The following GPCPD1 variants were observed in gnomAD, a reference collection of about 807,000 sequenced individuals.
GPCPD1 encodes the protein glycerophosphocholine phosphodiesterase 1.
Under a neutral mutation model 89.2 loss-of-function variants are expected in GPCPD1, and 29 were observed. That is an observed-to-expected ratio of 0.33 (90% CI 0.24 to 0.44). The LOEUF is 0.44. Ranked by LOEUF, GPCPD1 falls within the 20% of genes least tolerant of loss-of-function variation. The probability of loss-of-function intolerance (pLI) is 1.00; values close to 1 mark genes in which losing one functional copy is unlikely to be tolerated. For missense variants in GPCPD1, 594 were observed against 808.9 expected, an observed-to-expected ratio of 0.73 and a Z score of 3.22; for synonymous variants, 258 against 266.3, an observed-to-expected ratio of 0.97 and a Z score of 0.30.
chr20:5,603,238 A>G (rs1301931899), intron 2 of GPCPD1, among the ~76,000 whole-genome samples: 1 of 152,138 alleles, frequency 6.6e-6, no homozygotes, highest in Non-Finnish European at 1.5e-5. Context: ...GGTTGCAGTG[A>G]GCTGGGATCG....
Position 5,592,085 on chromosome 20 carries a change from T to C in GPCPD1, c.231+1242A>G, listed in dbSNP as rs1478209240. Among the ~76,000 whole-genome samples the C allele has an allele frequency of 4.6e-5, 7 of 152,362 alleles. No homozygotes were observed. The East Asian group carries it at 7.7e-4, about 17-fold the overall frequency. ...GGCTTAATTTGACCTGTGTTGACAA[T>C]AGTCTTACTTTAGAAAACTATGCCC... On this transcript the variant is annotated intron_variant, in intron 4 of 19. Transcript: ENST00000379019.
At chr20:5,576,344 C>T (rs777498109) in intron 8 of GPCPD1, among the ~76,000 whole-genome samples, 18 of 150,242 alleles carry the variant, frequency 1.2e-4, no homozygotes, top group African/African-American at 3.7e-4. Flanking sequence ...CACTTGAACC[C>T]GGGAGGTGGA....
Position 5,546,820 on chromosome 20 carries a change from C to T in GPCPD1, c.*841G>A, listed in dbSNP as rs1437208404. The T allele has an allele frequency of 1.3e-5, 2 of 152,406 alleles. No individual in the cohort carries two copies. Among genetic ancestry groups the T allele is most frequent in the African/African-American group, 2.4e-5 (1 of 41,378 alleles). The allele number at this position is 152,406 out of a possible 1,614,324, so 9.4% of individuals were successfully genotyped here. A position where few individuals can be genotyped will look rare whatever the true frequency, so the allele number is the denominator to read the frequency against. On this transcript the variant is annotated 3_prime_UTR_variant, in exon 20 of 20. Coordinates refer to ENST00000379019, the MANE Select transcript of GPCPD1 (RefSeq NM_019593.5). The stretch of plus-strand genomic sequence containing the variant: ...TTTTAGGCAACAAAATACGTCCAGT[C>T]CTTGACATCTTCTCATACTCACCTA...
intron 12 of GPCPD1, among the ~76,000 whole-genome samples, chr20:5,568,842 G>A (rs1986546906): frequency 6.6e-6 from 1 of 152,126 alleles, no homozygotes; most frequent in South Asian, 2.1e-4. Flanking sequence ...GAACCCAGGA[G>A]GTGGAGGTTG....
intron 2 of GPCPD1, among the ~76,000 whole-genome samples, chr20:5,602,564 T>C (rs1980237011): frequency 6.6e-6 from 1 of 152,238 alleles, no homozygotes; most frequent in African/African-American, 2.4e-5. Context: ...TGATGAATGC[T>C]AGAATAAAGA....
rs1051154829 is a variant in GPCPD1, at chr20:5,546,183, G to A, written c.*1478C>T. ...TTGCATTAATATCAACGTTACAAAC[G>A]CAATACCATAGGATTTCAGAGCCTA... On this transcript the variant is annotated 3_prime_UTR_variant, in exon 20 of 20. Transcript: ENST00000379019. 5 of 152,074 alleles carry A rather than the reference G, an allele frequency of 3.3e-5. No homozygotes were observed. The highest frequency in any genetic ancestry group is 1.9e-4 in the East Asian group (1 of 5,196). The allele number at this position is 152,074 out of a possible 1,614,324, so 9.4% of individuals were successfully genotyped here. A position where few individuals can be genotyped will look rare whatever the true frequency, so the allele number is the denominator to read the frequency against.
At position 5,546,324 on chromosome 20, in the gene GPCPD1, A is replaced by ACC. The variant is rs1985023828; in HGVS notation, c.*1336_*1337insGG. On this transcript the variant is annotated 3_prime_UTR_variant, in exon 20 of 20. Transcript: ENST00000379019. ...ACTACCAAAATATGTCAATATATGAATAAACTGCCTTGTGAAAAACATGCA... is the reference window on the plus strand; with the variant it reads ...ACTACCAAAATATGTCAATATATGAACCTAAACTGCCTTGTGAAAAACATGCA... The ACC allele has an allele frequency of 6.6e-6, 1 of 152,246 alleles. No individual in the cohort carries two copies. The highest frequency in any genetic ancestry group is 1.9e-4 in the East Asian group (1 of 5,200). The allele number at this position is 152,246 out of a possible 1,614,324, so 9.4% of individuals were successfully genotyped here. A position where few individuals can be genotyped will look rare whatever the true frequency, so the allele number is the denominator to read the frequency against.
At chr20:5,564,579 A>G (rs1047855254) in intron 15 of GPCPD1, among the ~76,000 whole-genome samples, 3 of 152,158 alleles carry the variant, frequency 2.0e-5, no homozygotes, top group African/African-American at 4.8e-5. Context: ...TGTATTCTCA[A>G]CCCTTGGGGA....
intron 19 of GPCPD1, chr20:5,548,434 TATGACATCACAGTAGGAAAGA>T (rs902526187): frequency 1.0e-4 from 16 of 152,402 alleles, no homozygotes; most frequent in African/African-American, 3.8e-4. Context: ...AGAGAATCTT[TATGACATCACAGTAGGAAAGA>T]ATTTTTTCAA....
intron 11 of GPCPD1, among the ~76,000 whole-genome samples, chr20:5,571,715 C>G (rs549368981): frequency 1.6e-4 from 24 of 152,238 alleles, no homozygotes; most frequent in African/African-American, 5.8e-4. Context: ...TCAAGACCAG[C>G]CTGGCCAACA....
intron 15 of GPCPD1, among the ~76,000 whole-genome samples, chr20:5,563,290 G>A (rs1258444849): frequency 6.6e-6 from 1 of 151,634 alleles, no homozygotes; most frequent in Non-Finnish European, 1.5e-5. Context: ...AAATTTCTTT[G>A]TGATTGAATT....
Position 5,567,562 on chromosome 20 carries a change from T to TAAAAAAAA in GPCPD1, c.1150-10_1150-3dup. 5 of 1,296,984 alleles carry TAAAAAAAA rather than the reference T, an allele frequency of 3.9e-6. No homozygotes were observed. The highest frequency in any genetic ancestry group is 1.6e-5 in the South Asian group (1 of 63,620). 80.3% of individuals were successfully genotyped at this position (1,296,984 alleles called of 1,614,324 possible). A position where few individuals can be genotyped will look rare whatever the true frequency, so the allele number is the denominator to read the frequency against. The stretch of plus-strand genomic sequence containing the variant: ...TTCAACTGGATCAGCATCAAATTTC[T>TAAAAAAAA]AAAAAAAAAAAAAAAAGAAAGAAAG... On this transcript the variant is annotated splice_region_variant and splice_polypyrimidine_tract_variant and intron_variant, in intron 12 of 19. Coordinates refer to ENST00000379019, the MANE Select transcript of GPCPD1 (RefSeq NM_019593.5).
Position 5,549,157 on chromosome 20 carries a change from AG to A in GPCPD1, c.1830-1308del, listed in dbSNP as rs553939305. On this transcript the variant is annotated intron_variant, in intron 19 of 19. Transcript: ENST00000379019. ...GGGAAGATGAGAAAAACAAACAGGGAGGATGATGGCTAATTTACATTGAACA... is the reference window on the plus strand; with the variant it reads ...GGGAAGATGAGAAAAACAAACAGGGAGATGATGGCTAATTTACATTGAACA... 3.5e-3 allele frequency: 2,268 copies of A among 653,542 alleles called. 21 individuals are homozygous for A. The highest frequency in any genetic ancestry group is 2.3e-3 in the Non-Finnish European group (809 of 347,560). 40.5% of individuals were successfully genotyped at this position (653,542 alleles called of 1,614,324 possible).
intron 15 of GPCPD1, among the ~76,000 whole-genome samples, chr20:5,563,479 G>A (rs1208188257): frequency 6.6e-6 from 1 of 152,092 alleles, no homozygotes; most frequent in Non-Finnish European, 1.5e-5. Flanking sequence ...GGCTTCATAA[G>A]TACCTTAAAA....
chr20:5,549,901 A>G (rs954908136), intron 19 of GPCPD1, among the ~76,000 whole-genome samples: 3 of 152,132 alleles, frequency 2.0e-5, no homozygotes, highest in Non-Finnish European at 4.4e-5. Flanking sequence ...GACATGAAAA[A>G]CTCAACAGAG....
At chr20:5,608,620 A>T (rs1174467324) in intron 1 of GPCPD1, among the ~76,000 whole-genome samples, 1 of 71,892 alleles carries the variant, frequency 1.4e-5, no homozygotes, top group Admixed American at 1.1e-4. Context: ...CTAAACAAGG[A>T]AGAAAAAAAA....
At chr20:5,548,958 G>T in intron 19 of GPCPD1, 1 of 990,948 alleles carries the variant, frequency 1.0e-6, no homozygotes, top group South Asian at 1.4e-5. Context: ...AGAACAGATG[G>T]GCACTCTGGT....
intron 1 of GPCPD1, among the ~76,000 whole-genome samples, chr20:5,608,952 T>A (rs1980774215): frequency 6.6e-6 from 1 of 152,216 alleles, no homozygotes; most frequent in African/African-American, 2.4e-5. Context: ...TTTTAAAAAA[T>A]TTCAGAGTTC....
chr20:5,568,023 A>T (rs1348290729), intron 12 of GPCPD1, among the ~76,000 whole-genome samples: 3 of 152,126 alleles, frequency 2.0e-5, no homozygotes, highest in African/African-American at 4.8e-5. Flanking sequence ...AAAACAGCAG[A>T]CACACCAAAT....
Sources: allele counts gnomAD v4.1 joint callset (sites outside exome capture counted in the v4.1 genomes callset), GRCh38; gene constraint gnomAD v4.1.1; transcripts MANE v1.5; gene names NCBI Gene and HGNC (gene_info 2026-07-23, HGNC 2026-07-21).